The following RINT1 variants were observed in gnomAD, a reference collection of about 807,000 sequenced individuals.
The protein encoded by RINT1 is RAD50-interacting protein 1.
A neutral mutation model predicts 97.7 loss-of-function variants in RINT1; 75 were observed. The observed-to-expected ratio is 0.77, with a 90% CI of 0.64 to 0.93. The LOEUF is 0.93. Ranked by LOEUF, RINT1 falls within the 40% of genes least tolerant of loss-of-function variation. The probability of loss-of-function intolerance (pLI) is 0.00; values close to 1 mark genes in which losing one functional copy is unlikely to be tolerated. For missense variants in RINT1, 892 were observed against 925.2 expected, an observed-to-expected ratio of 0.96 and a Z score of 0.47; for synonymous variants, 303 against 326.3, an observed-to-expected ratio of 0.93 and a Z score of 0.77.
At chr7:105,546,601 C>T (rs535889285) in intron 4 of RINT1, among the ~76,000 whole-genome samples, 7 of 152,274 alleles carry the variant, frequency 4.6e-5, no homozygotes, top group South Asian at 2.1e-4. Context: ...CGGCTGGGCA[C>T]GGTGACTCAC....
At chr7:105,554,532 G>A (rs10258016) in intron 10 of RINT1, among the ~76,000 whole-genome samples, 380 of 150,702 alleles carry the variant, frequency 2.5e-3, no homozygotes, top group African/African-American at 8.4e-3. Flanking sequence ...TCCACCTCCC[G>A]GGTTCAAGCA....
chr7:105,567,552 G>GCTGA lies in RINT1; in HGVS notation c.*242_*245dup. On this transcript the variant is annotated 3_prime_UTR_variant, in exon 15 of 15. Coordinates refer to ENST00000257700, the MANE Select transcript of RINT1 (RefSeq NM_021930.6). ...CTCAATTCTATTTACAAGTATAAAT[G>GCTGA]CTGAGTATGTCTGTTGAAGACGAGC... The GCTGA allele has an allele frequency of 1.5e-6, 1 of 668,140 alleles. No homozygotes were observed. The highest frequency in any genetic ancestry group is 2.7e-6 in the Non-Finnish European group (1 of 375,290). 41.4% of individuals were successfully genotyped at this position (668,140 alleles called of 1,614,324 possible). A position where few individuals can be genotyped will look rare whatever the true frequency, so the allele number is the denominator to read the frequency against.
rs781356471 is a variant in RINT1 at position 105,548,548 on chromosome 7, T to C, written c.840-6T>C. On this transcript the variant is annotated splice_region_variant and splice_polypyrimidine_tract_variant and intron_variant, in intron 6 of 14. Coordinates refer to ENST00000257700, the MANE Select transcript of RINT1 (RefSeq NM_021930.6). ...TGATTCTTTTTCCTTGACTTGATTA[T>C]GTCAGAGATGAATTACTTACTGAGC... 11 of 1,613,968 alleles carry C rather than the reference T, an allele frequency of 6.8e-6. No individual in the cohort carries two copies. Among genetic ancestry groups the C allele is most frequent in the Non-Finnish European group, 9.3e-6 (11 of 1,179,854 alleles).
intron 6 of RINT1, 76 bp downstream of exon 6, chr7:105,547,409 T>C: frequency 6.8e-7 from 1 of 1,474,824 alleles, no homozygotes; most frequent in African/African-American, 1.4e-5. Flanking sequence ...AGTAAAACTT[T>C]TTCAAAGTGG....
intron 4 of RINT1, among the ~76,000 whole-genome samples, chr7:105,542,965 A>G (rs1790520484): frequency 6.6e-6 from 1 of 151,778 alleles, no homozygotes; most frequent in African/African-American, 2.4e-5. Flanking sequence ...GCTCACTGCA[A>G]GCTACACCTC....
intron 12 of RINT1, 27 bp from the exon 13 acceptor site, chr7:105,565,250 T>A: frequency 6.4e-7 from 1 of 1,560,136 alleles, no homozygotes; most frequent in Non-Finnish European, 8.7e-7. Flanking sequence ...TGATGAAAAT[T>A]TTTTGGTAAA....
At chr7:105,547,862 G>T in intron 6 of RINT1, among the ~76,000 whole-genome samples, 1 of 151,708 alleles carries the variant, frequency 6.6e-6, no homozygotes, top group African/African-American at 2.4e-5. Context: ...CGAGTAGCTG[G>T]GATTACAGGC....
intron 11 of RINT1, among the ~76,000 whole-genome samples, chr7:105,563,380 A>G (rs1791526872): frequency 6.6e-6 from 1 of 152,196 alleles, no homozygotes; most frequent in Non-Finnish European, 1.5e-5. Flanking sequence ...ATTAGTTTTG[A>G]GATGGAGTCT....
chr7:105,555,705 G>C (rs968396971), intron 11 of RINT1, among the ~76,000 whole-genome samples: 1 of 152,214 alleles, frequency 6.6e-6, no homozygotes, highest in African/African-American at 2.4e-5. Flanking sequence ...ATTTGGCTGG[G>C]TGCAGTGGCT....
intron 2 of RINT1, among the ~76,000 whole-genome samples, chr7:105,533,500 T>A (rs1009800963): frequency 2.0e-5 from 3 of 152,136 alleles, no homozygotes; most frequent in East Asian, 1.9e-4. Context: ...GAAGTGACAT[T>A]TTTTGGGAGA....
intron 11 of RINT1, among the ~76,000 whole-genome samples, chr7:105,557,144 C>T (rs549330787): frequency 1.3e-5 from 2 of 152,080 alleles, no homozygotes; most frequent in African/African-American, 4.8e-5. Context: ...ACTAACTATA[C>T]GGAATAAATC....
rs775872148 is a variant in RINT1 at position 105,565,294 on chromosome 7, CTCAG to C, written c.1909_1912del (p.Glu638ArgfsTer3). 4 of 1,596,646 alleles carry C rather than the reference CTCAG, an allele frequency of 2.5e-6. No homozygotes were observed. Among genetic ancestry groups the C allele is most frequent in the Non-Finnish European group, 2.6e-6 (3 of 1,168,858 alleles). The stretch of plus-strand genomic sequence containing the variant: ...TTTTCCAGATGGTTGTCCTTGCCAT[CTCAG>C]TCAGAGCAGGCAGTGATGTCCCTGT... On this transcript the variant is annotated frameshift_variant, in exon 13 of 15. Transcript: ENST00000257700. LOFTEE classifies it high-confidence loss of function.
chr7:105,534,615 C>T lies in RINT1; in HGVS notation c.88+1746C>T, dbSNP rs567986109. Among the ~76,000 whole-genome samples the T allele has an allele frequency of 6.0e-5, 9 of 150,728 alleles. No homozygotes were observed. The South Asian group carries it at 1.9e-3, about 32-fold the overall frequency. On this transcript the variant is annotated intron_variant, in intron 2 of 14. Transcript: ENST00000257700. ...TGTATTATATAGTCCCATTTATAAC[C>T]TTGAGATATAGGCTGGGGCAAATGT...
intron 4 of RINT1, among the ~76,000 whole-genome samples, chr7:105,543,234 C>T (rs1160328565): frequency 6.6e-6 from 1 of 152,096 alleles, no homozygotes; most frequent in Non-Finnish European, 1.5e-5. Flanking sequence ...ATGATAAAAA[C>T]TATTCTTTGT....
In RINT1 at chr7:105,565,648, A is replaced by G. The variant is rs1791692720; in HGVS notation, c.2186A>G (p.His729Arg). 6.4e-7 allele frequency: 1 copy of G among 1,552,804 alleles called. No homozygotes were observed. Among genetic ancestry groups the G allele is most frequent in the Middle Eastern group, 1.9e-4 (1 of 5,204 alleles). The change falls in exon 14 of 15, where the codon CAT becomes CGT. Residue 729 changes from histidine (H) to arginine (R), a missense_variant and splice_region_variant. Physicochemically the swap from His to Arg is conservative, Grantham distance 29. Transcript: ENST00000257700. Reference sequence around the variant, plus strand: ...AAGAGACCAGAAAATTATTTTAAACAGTAAGCTCAACATTTAACAATTAAT... The same window carrying G: ...AAGAGACCAGAAAATTATTTTAAACGGTAAGCTCAACATTTAACAATTAAT... ...YCKRPENYFK[H>R]IKEACIVLNL...
At chr7:105,558,503 T>G (rs951902234) in intron 11 of RINT1, among the ~76,000 whole-genome samples, 2 of 152,300 alleles carry the variant, frequency 1.3e-5, no homozygotes, top group Admixed American at 1.3e-4. Flanking sequence ...TAGAACATCA[T>G]CAACTGCTTT....
chr7:105,548,628 C>G lies in RINT1; in HGVS notation c.914C>G (p.Pro305Arg), dbSNP rs1180921362. 1.2e-6 allele frequency: 2 copies of G among 1,614,114 alleles called. No homozygotes were observed. Among genetic ancestry groups the G allele is most frequent in the Admixed American group, 3.3e-5 (2 of 60,006 alleles). The change falls in exon 7 of 15, where the codon CCC becomes CGC. Residue 305 changes from proline (P) to arginine (R), a missense_variant. Pro to Arg is a moderately radical substitution (Grantham distance 103). Coordinates refer to ENST00000257700, the MANE Select transcript of RINT1 (RefSeq NM_021930.6). ...CCTGCCTCCCCTTCTGTCATCCTGCCCATCCAGGTTATGCTGACTCCTCTT... is the reference window on the plus strand; with the variant it reads ...CCTGCCTCCCCTTCTGTCATCCTGCGCATCCAGGTTATGCTGACTCCTCTT... The part of the protein sequence containing the change: ...SLPASPSVIL[P>R]IQVMLTPLQK...
chr7:105,566,977 AC>A (rs1437207621), intron 14 of RINT1, 141 bp from the exon 15 acceptor site: 1 of 467,742 alleles, frequency 2.1e-6, no homozygotes, highest in Non-Finnish European at 3.6e-6. Flanking sequence ...TGTTAAAAGA[AC>A]CAAATAATAA....
chr7:105,548,495 A>G (rs1389309131), intron 6 of RINT1, 59 bp from the exon 7 acceptor site: 10 of 1,520,986 alleles, frequency 6.6e-6, no homozygotes, highest in Non-Finnish European at 8.2e-6. Context: ...GTATACATAC[A>G]TATGTGTGTG....
Sources: gnomAD v4.1 joint callset for allele counts (sites outside exome capture counted in the v4.1 genomes callset) on GRCh38, gnomAD v4.1.1 for gene constraint, MANE v1.5 for transcripts, NCBI Gene and HGNC (gene_info 2026-07-23, HGNC 2026-07-21) for gene names.